FHIT: variants seen among roughly 807,000 people sequenced by gnomAD.
FHIT encodes bis(5'-adenosyl)-triphosphatase.
FHIT carries 19 observed loss-of-function variants against 17.9 expected under a neutral mutation model. That is an observed-to-expected ratio of 1.06 (90% CI 0.74 to 1.56). The LOEUF is 1.56. Among genes scored for constraint, FHIT ranks in the 40% most tolerant of loss-of-function variants. The pLI is 0.00. For synonymous variants in FHIT, 81 were observed against 69.7 expected (o/e 1.16, Z -0.81); for missense variants, 248 against 189.2 (o/e 1.31, Z -1.82).
intron 7 of FHIT, among the ~76,000 whole-genome samples, chr3:59,996,633 G>A (rs1699522988): frequency 1.3e-5 from 2 of 151,980 alleles, no homozygotes; most frequent in South Asian, 4.2e-4. Context: ...AGTCCAAAGG[G>A]CTCCAGACAC....
At chr3:60,270,093 A>G (rs942889334) in intron 5 of FHIT, among the ~76,000 whole-genome samples, 3 of 152,224 alleles carry the variant, frequency 2.0e-5, no homozygotes, top group African/African-American at 4.8e-5. Context: ...ATTTGGAATT[A>G]GAATTCATGG....
chr3:59,906,200 T>C (rs559372196), intron 8 of FHIT, among the ~76,000 whole-genome samples: 1 of 152,358 alleles, frequency 6.6e-6, no homozygotes, highest in Admixed American at 6.5e-5. Context: ...GGAGCTTGAA[T>C]GGACACCATA....
intron 5 of FHIT, among the ~76,000 whole-genome samples, chr3:60,104,624 A>G (rs1053111196): frequency 6.6e-6 from 1 of 152,156 alleles, no homozygotes; most frequent in Admixed American, 6.5e-5. Context: ...TGAGAACTTC[A>G]GATGAAAATA....
At position 59,751,232 on chromosome 3, in the gene FHIT, T is replaced by TTCTC. The variant is rs10577548; in HGVS notation, c.*5+985_*5+988dup. The stretch of plus-strand genomic sequence containing the variant: ...ACAAATTTCAGAGAGATAGATACAT[T>TTCTC]TCTCTCTCTCTCTCTCCTGTTTTTT... On this transcript the variant is annotated intron_variant, in intron 9 of 9. Transcript: ENST00000492590. The TTCTC allele has an allele frequency of 2.9e-3, 516 of 176,292 alleles. 2 individuals carry two copies. Among genetic ancestry groups the TTCTC allele is most frequent in the African/African-American group, 0.011 (477 of 42,006 alleles). The allele number at this position is 176,292 out of a possible 1,614,324, so 10.9% of individuals were successfully genotyped here. A position where few individuals can be genotyped will look rare whatever the true frequency, so the allele number is the denominator to read the frequency against.
intron 4 of FHIT, among the ~76,000 whole-genome samples, chr3:60,726,624 A>G (rs1465621232): frequency 6.6e-6 from 1 of 152,198 alleles, no homozygotes; most frequent in Non-Finnish European, 1.5e-5. Context: ...CTTTCCCTAT[A>G]CTAGCTGTGT....
intron 5 of FHIT, among the ~76,000 whole-genome samples, chr3:60,129,456 T>C (rs1389868940): frequency 2.0e-5 from 3 of 152,202 alleles, no homozygotes; most frequent in Non-Finnish European, 4.4e-5. Flanking sequence ...TATGTATGAA[T>C]CTTTTGTACC....
intron 5 of FHIT, among the ~76,000 whole-genome samples, chr3:60,027,799 C>A (rs56074755): frequency 0.01 from 1,573 of 151,700 alleles, 25 homozygotes; most frequent in African/African-American, 0.036. Flanking sequence ...CTCGATCCAT[C>A]ATAATTTAGC....
rs1045913659 is a variant in FHIT at position 60,553,425 on chromosome 3, G to C, written c.-17-16446C>G. On this transcript the variant is annotated intron_variant, in intron 4 of 9. Transcript: ENST00000492590. ...CCGACGGAGACCTTTTATGCAAAAA[G>C]AGGTCACTGCTTTAAAATATATATA... 5.6e-6 allele frequency: 5 copies of C among 889,672 alleles called. No homozygotes were observed. The African/African-American group carries it at 9.2e-5, about 16-fold the overall frequency. The allele number at this position is 889,672 out of a possible 1,614,324, so 55.1% of individuals were successfully genotyped here. A position where few individuals can be genotyped will look rare whatever the true frequency, so the allele number is the denominator to read the frequency against.
chr3:59,959,497 T>C (rs776657320), intron 7 of FHIT, among the ~76,000 whole-genome samples: 12 of 152,188 alleles, frequency 7.9e-5, no homozygotes, highest in Non-Finnish European at 1.2e-4. Context: ...ACTCAAAGCA[T>C]GAAGCATGTG....
At chr3:60,068,453 C>T (rs1429448394) in intron 5 of FHIT, among the ~76,000 whole-genome samples, 1 of 152,134 alleles carries the variant, frequency 6.6e-6, no homozygotes, top group African/African-American at 2.4e-5. Flanking sequence ...TGCAAAACTC[C>T]AGACATCATG....
intron 3 of FHIT, among the ~76,000 whole-genome samples, chr3:60,830,887 A>T (rs1553742345): frequency 6.6e-6 from 1 of 152,246 alleles, no homozygotes; most frequent in East Asian, 1.9e-4. Flanking sequence ...CCTTGTCCTT[A>T]GCTTAACATA....
intron 2 of FHIT, among the ~76,000 whole-genome samples, chr3:61,085,509 T>G (rs1322225984): frequency 6.6e-6 from 1 of 152,140 alleles, no homozygotes; most frequent in African/African-American, 2.4e-5. Context: ...CTTTATATAT[T>G]CTTGATATTA....
chr3:60,039,655 T>C (rs1409145972), intron 5 of FHIT, among the ~76,000 whole-genome samples: 1 of 152,224 alleles, frequency 6.6e-6, no homozygotes, highest in Non-Finnish European at 1.5e-5. Context: ...ATAGAAATAA[T>C]GTAATAACAG....
intron 4 of FHIT, among the ~76,000 whole-genome samples, chr3:60,692,450 T>G (rs557119459): frequency 6.6e-6 from 1 of 152,194 alleles, no homozygotes; most frequent in East Asian, 1.9e-4. Flanking sequence ...ACCAATGTAA[T>G]CACAAGGGTC....
intron 4 of FHIT, among the ~76,000 whole-genome samples, chr3:60,768,203 A>G (rs1553722016): frequency 6.6e-6 from 1 of 152,198 alleles, no homozygotes; most frequent in Non-Finnish European, 1.5e-5. Context: ...TGCCTGGAAA[A>G]ATAGTTGGCC....
chr3:61,126,125 A>G (rs557746031), intron 2 of FHIT, among the ~76,000 whole-genome samples: 2 of 152,174 alleles, frequency 1.3e-5, no homozygotes, highest in South Asian at 2.1e-4. Flanking sequence ...GTTGGTATCT[A>G]TGGCATCTAT....
At chr3:60,767,140 A>C (rs1699883890) in intron 4 of FHIT, among the ~76,000 whole-genome samples, 1 of 152,262 alleles carries the variant, frequency 6.6e-6, no homozygotes, top group Non-Finnish European at 1.5e-5. Flanking sequence ...CTTAAAAAAC[A>C]GACAAATAAC....
chr3:60,141,946 T>A (rs192826977), intron 5 of FHIT, among the ~76,000 whole-genome samples: 4 of 152,302 alleles, frequency 2.6e-5, no homozygotes, highest in African/African-American at 7.2e-5. Context: ...AGTGTCAGAG[T>A]TTAAAATGGT....
At chr3:59,945,471 T>A (rs970833595) in intron 7 of FHIT, among the ~76,000 whole-genome samples, 1 of 152,164 alleles carries the variant, frequency 6.6e-6, no homozygotes, top group African/African-American at 2.4e-5. Flanking sequence ...CTCTAGGTTG[T>A]CTGTTTACTC....
Sources: gnomAD v4.1 joint callset for allele counts (sites outside exome capture counted in the v4.1 genomes callset) on GRCh38, gnomAD v4.1.1 for gene constraint, MANE v1.5 for transcripts, NCBI Gene and HGNC (gene_info 2026-07-23, HGNC 2026-07-21) for gene names.